G6PC1: variants seen among roughly 807,000 people sequenced by gnomAD.
The protein encoded by G6PC1 is G-6-Pase.
In G6PC1, 23 loss-of-function variants were observed where a neutral mutation model predicts 30.4. The ratio of observed to expected loss-of-function variants is 0.76; its 90% CI spans 0.55 to 1.07. The LOEUF is 1.07. G6PC1 is among the 50% of genes least tolerant of loss of function. G6PC1 has a pLI of 0.00. For synonymous variants in G6PC1, 163 were observed against 175.6 expected (o/e 0.93, Z 0.57); for missense variants, 391 against 433.9 (o/e 0.90, Z 0.88).
Position 42,911,420 on chromosome 17 carries a change from G to C in G6PC1, c.1068G>C (p.Ser356=). 6.2e-7 allele frequency: 1 copy of C among 1,614,068 alleles called. No individual in the cohort carries two copies. The highest frequency in any genetic ancestry group is 2.2e-5 in the East Asian group (1 of 44,876). ...TCCTGGGCCAGCCGCACAAGAAGTC[G>C]TTGTAAGAGATGTGGAGTCTTCGGT... ...AQVLGQPHKK[S]L The change falls in exon 5 of 5, where the codon TCG becomes TCC. Residue 356 remains serine (S), a synonymous_variant. Coordinates refer to ENST00000253801, the MANE Select transcript of G6PC1 (RefSeq NM_000151.4).
chr17:42,909,152 G>C, intron 3 of G6PC1, 151 bp from the exon 4 acceptor site: 1 of 756,444 alleles, frequency 1.3e-6, no homozygotes, highest in South Asian at 1.4e-5. Flanking sequence ...CCCCCAACAG[G>C]CATCTTTGGA....
chr17:42,911,195 G>A lies in G6PC1; in HGVS notation c.843G>A (p.Arg281=). The A allele has an allele frequency of 1.9e-6, 3 of 1,614,152 alleles. No individual in the cohort carries two copies. Among genetic ancestry groups the A allele is most frequent in the Non-Finnish European group, 2.5e-6 (3 of 1,180,022 alleles). Reference sequence around the variant, plus strand: ...TGGCTCTCAACTCCAGCATGTACAGGGAGAGCTGCAAGGGGAAACTCAGCA... The same window carrying A: ...TGGCTCTCAACTCCAGCATGTACAGAGAGAGCTGCAAGGGGAAACTCAGCA... ...LGLALNSSMY[R]ESCKGKLSKW... The change falls in exon 5 of 5, where the codon AGG becomes AGA. Residue 281 remains arginine, a synonymous_variant. Transcript: ENST00000253801.
rs755630386 is a variant in G6PC1 at position 42,911,153 on chromosome 17, G to A, written c.801G>A (p.Thr267=). 4.3e-6 allele frequency: 7 copies of A among 1,614,002 alleles called. No homozygotes were observed. In the East Asian group the frequency reaches 1.1e-4, roughly 26 times the overall value. Residue 267 remains threonine, a synonymous_variant, in exon 5 of 5, where the codon ACG becomes ACA. Transcript: ENST00000253801. ...CCAGCCTCCTCAAGAACCTGGGCACGCTCTTTGGCCTGGGGCTGGCTCTCA... is the reference window on the plus strand; with the variant it reads ...CCAGCCTCCTCAAGAACCTGGGCACACTCTTTGGCCTGGGGCTGGCTCTCA... The part of the protein sequence containing the change: ...PFASLLKNLG[T]LFGLGLALNS...
In G6PC1 at chr17:42,908,285, T is replaced by C. The variant is rs998611057; in HGVS notation, c.446+657T>C. On this transcript the variant is annotated intron_variant, in intron 3 of 4. Coordinates refer to ENST00000253801, the MANE Select transcript of G6PC1 (RefSeq NM_000151.4). ...CTCAAGCAATTGGCTTGCCTCAGCC[T>C]CCTAAAATATTGGGATTACAGGCAT... 8.5e-5 allele frequency among the ~76,000 whole-genome samples: 13 copies of C among 152,098 alleles called. No homozygotes were observed. The East Asian group carries it at 2.1e-3, about 25-fold the overall frequency.
At chr17:42,910,867 G>C in intron 4 of G6PC1, 48 bp from the exon 5 acceptor site, 1 of 1,594,612 alleles carries the variant, frequency 6.3e-7, no homozygotes, top group Non-Finnish European at 8.6e-7. Flanking sequence ...CTCTAGCAAA[G>C]GTCCCAAATC....
At position 42,913,102 on chromosome 17, in the gene G6PC1, C is replaced by G. The variant is rs2056106804; in HGVS notation, c.*1676C>G. 6.6e-6 allele frequency: 1 copy of G among 152,094 alleles called. No homozygotes were observed. Among genetic ancestry groups the G allele is most frequent in the African/African-American group, 2.4e-5 (1 of 41,426 alleles). 9.4% of individuals were successfully genotyped at this position (152,094 alleles called of 1,614,324 possible). A position where few individuals can be genotyped will look rare whatever the true frequency, so the allele number is the denominator to read the frequency against. ...ACAGGCATGAGCCACCGCACCGGGC[C>G]CTCCTTGCCTGTTTTTCAATCTCAT... On this transcript the variant is annotated 3_prime_UTR_variant, in exon 5 of 5. Coordinates refer to ENST00000253801, the MANE Select transcript of G6PC1 (RefSeq NM_000151.4).
chr17:42,906,844 C>T (rs1195306927), intron 2 of G6PC1, among the ~76,000 whole-genome samples: 1 of 151,954 alleles, frequency 6.6e-6, no homozygotes, highest in Non-Finnish European at 1.5e-5. Flanking sequence ...CATGGCACTG[C>T]ATTGCAGCCT....
In G6PC1 at chr17:42,912,254, T is replaced by C. The variant is rs2056101014; in HGVS notation, c.*828T>C. 6.6e-6 allele frequency: 1 copy of C among 152,314 alleles called. No individual in the cohort carries two copies. Among genetic ancestry groups the C allele is most frequent in the Non-Finnish European group, 1.5e-5 (1 of 68,106 alleles). 9.4% of individuals were successfully genotyped at this position (152,314 alleles called of 1,614,324 possible). On this transcript the variant is annotated 3_prime_UTR_variant, in exon 5 of 5. Coordinates refer to ENST00000253801, the MANE Select transcript of G6PC1 (RefSeq NM_000151.4). Reference sequence around the variant, plus strand: ...TAGTATTTTTTTTACTGTGCATACATGTTCATCGTATTTCCTTGGATTTCT... The same window carrying C: ...TAGTATTTTTTTTACTGTGCATACACGTTCATCGTATTTCCTTGGATTTCT...
chr17:42,907,576 A>T lies in G6PC1; in HGVS notation c.394A>T (p.Thr132Ser). 1.2e-6 allele frequency: 2 copies of T among 1,613,984 alleles called. No homozygotes were observed. The highest frequency in any genetic ancestry group is 1.7e-6 in the Non-Finnish European group (2 of 1,179,912). ...AGCAGGTGTATACTACGTGATGGTCACATCTACTCTTTCCATCTTTCAGGG... is the reference window on the plus strand; with the variant it reads ...AGCAGGTGTATACTACGTGATGGTCTCATCTACTCTTTCCATCTTTCAGGG... ...GTAGVYYVMVTSTLSIFQGKI... is the reference protein window; with the variant it reads ...GTAGVYYVMVSSTLSIFQGKI... The change falls in exon 3 of 5, where the codon ACA (threonine) becomes TCA (serine). Residue 132 changes from threonine (T) to serine (S), a missense_variant. Transcript: ENST00000253801.
At chr17:42,910,094 G>A (rs1000949226) in intron 4 of G6PC1, among the ~76,000 whole-genome samples, 267 of 152,026 alleles carry the variant, frequency 1.8e-3, no homozygotes, top group African/African-American at 6.1e-3. Flanking sequence ...CTCGTGATCC[G>A]CCCGCCTCGG....
intron 2 of G6PC1, 85 bp downstream of exon 2, chr17:42,904,125 G>A (rs1163988944): frequency 2.3e-6 from 2 of 883,364 alleles, no homozygotes; most frequent in South Asian, 1.3e-5. Context: ...GGGACATGAG[G>A]AGAGCCATTC....
In G6PC1 at chr17:42,900,923, C is replaced by T; in HGVS notation, c.47C>T (p.Thr16Ile). 1 of 1,614,166 alleles carries T rather than the reference C, an allele frequency of 6.2e-7. No homozygotes were observed. The highest frequency in any genetic ancestry group is 8.5e-7 in the Non-Finnish European group (1 of 1,180,030). ...NVLHDFGIQS[T>I]HYLQVNYQDS... is the part of the protein sequence containing the mutation. ...CTCCATGACTTTGGGATCCAGTCAACACATTACCTCCAGGTGAATTACCAA... is the reference window on the plus strand; with the variant it reads ...CTCCATGACTTTGGGATCCAGTCAATACATTACCTCCAGGTGAATTACCAA... Residue 16 changes from threonine (T) to isoleucine (I), a missense_variant, in exon 1 of 5, where the codon ACA (threonine) becomes ATA (isoleucine). Transcript: ENST00000253801.
intron 2 of G6PC1, among the ~76,000 whole-genome samples, chr17:42,907,101 A>C (rs1326102949): frequency 6.6e-6 from 1 of 152,166 alleles, no homozygotes; most frequent in East Asian, 1.9e-4. Context: ...TGTTTAAAGG[A>C]AAGCAATGAG....
intron 1 of G6PC1, among the ~76,000 whole-genome samples, chr17:42,902,265 T>C (rs1377414933): frequency 6.6e-6 from 1 of 152,174 alleles, no homozygotes; most frequent in Non-Finnish European, 1.5e-5. Context: ...GTTTGTTTGT[T>C]TGAGATGGAG....
Position 42,914,268 on chromosome 17 carries a change from CTGCTTAGGCATAGCCCCATCCTTGA to C in G6PC1, c.*2844_*2868del, listed in dbSNP as rs2056113221. 6.6e-6 allele frequency among the ~76,000 whole-genome samples: 1 copy of C among 152,028 alleles called. No homozygotes were observed. Among genetic ancestry groups the C allele is most frequent in the African/African-American group, 2.4e-5 (1 of 41,404 alleles). Reference sequence around the variant, plus strand: ...TTTGATCTGTCTGAACTGAACCCTACTGCTTAGGCATAGCCCCATCCTTGATAATCTATTTGCTCCCAAGGACCAA... The same window carrying C: ...TTTGATCTGTCTGAACTGAACCCTACTAATCTATTTGCTCCCAAGGACCAA... On this transcript the variant is annotated 3_prime_UTR_variant, in exon 5 of 5. Coordinates refer to ENST00000253801, the MANE Select transcript of G6PC1 (RefSeq NM_000151.4).
At chr17:42,903,229 G>A (rs1006682108) in intron 1 of G6PC1, among the ~76,000 whole-genome samples, 1 of 151,734 alleles carries the variant, frequency 6.6e-6, no homozygotes, top group African/African-American at 2.4e-5. Context: ...TTACAGTCAC[G>A]CACCACCACA....
Position 42,905,394 on chromosome 17 carries a change from C to T in G6PC1, c.340+1354C>T, listed in dbSNP as rs571000. 1.3e-4 allele frequency among the ~76,000 whole-genome samples: 17 copies of T among 128,442 alleles called. No individual in the cohort carries two copies. In the Admixed American group the frequency reaches 1.3e-3, roughly 10 times the overall value. 84.3% of individuals were successfully genotyped at this position (128,442 alleles called of 152,430 possible). ...TTGCGCCATTGCACTCCAGCCTGGG[C>T]GACAAAATGAGACACCATCTGAAAA... On this transcript the variant is annotated intron_variant, in intron 2 of 4. Coordinates refer to ENST00000253801, the MANE Select transcript of G6PC1 (RefSeq NM_000151.4).
Position 42,903,980 on chromosome 17 carries a change from T to C in G6PC1, c.280T>C (p.Tyr94His). 1 of 1,614,142 alleles carries C rather than the reference T, an allele frequency of 6.2e-7. No individual in the cohort carries two copies. The highest frequency in any genetic ancestry group is 8.5e-7 in the Non-Finnish European group (1 of 1,179,974). ...PYWWVLDTDY[Y>H]SNTSVPLIKQ... is the part of the protein sequence containing the mutation. ...CTGGTGGGTTTTGGATACTGACTAC[T>C]ACAGCAACACTTCCGTGCCCCTGAT... Residue 94 changes from tyrosine to histidine, a missense_variant, in exon 2 of 5, where the codon TAC becomes CAC. By Grantham distance (83) the Tyr-to-His change is moderately conservative. Transcript: ENST00000253801.
intron 2 of G6PC1, among the ~76,000 whole-genome samples, chr17:42,904,803 C>A (rs2056048346): frequency 6.6e-6 from 1 of 152,134 alleles, no homozygotes; most frequent in Non-Finnish European, 1.5e-5. Flanking sequence ...GTGAAATATA[C>A]AAAAATTATA....
Sources: gnomAD v4.1 joint callset for allele counts (sites outside exome capture counted in the v4.1 genomes callset) on GRCh38, gnomAD v4.1.1 for gene constraint, MANE v1.5 for transcripts, NCBI Gene and HGNC (gene_info 2026-07-23, HGNC 2026-07-21) for gene names.